The following CCDC73 variants were observed in gnomAD, a reference collection of about 807,000 sequenced individuals.
CCDC73 encodes coiled-coil domain-containing protein 73.
Under a neutral mutation model 116.5 loss-of-function variants are expected in CCDC73, and 95 were observed. That is an observed-to-expected ratio of 0.82 (90% CI 0.69 to 0.97). CCDC73 has a LOEUF of 0.97. Among genes scored for constraint, CCDC73 ranks in the 50% least tolerant of loss-of-function variants. The pLI is 0.00. For synonymous variants in CCDC73, 398 were observed against 401.3 expected (o/e 0.99, Z 0.10); for missense variants, 1,066 against 1,206.8 (o/e 0.88, Z 1.73).
At chr11:32,773,442 A>G (rs919613489) in intron 1 of CCDC73, among the ~76,000 whole-genome samples, 3 of 152,210 alleles carry the variant, frequency 2.0e-5, no homozygotes, top group African/African-American at 7.2e-5. Context: ...TGGAAACTAC[A>G]TCTCAATGAA....
In CCDC73 at chr11:32,614,371, A is replaced by T; in HGVS notation, c.1947T>A (p.Asn649Lys). ...TATCATCTAACATAACATTACTTGA[A>T]TTCCGTAAACTATATTTCTGACATG... Reference protein sequence around the residue: ...PVPCQKYSLRNSSNVMLDDKQ... With the variant: ...PVPCQKYSLRKSSNVMLDDKQ... The change falls in exon 16 of 18, where the codon AAT (asparagine) becomes AAA (lysine). Residue 649 changes from asparagine (N) to lysine (K), a missense_variant. Coordinates refer to ENST00000335185, the MANE Select transcript of CCDC73 (RefSeq NM_001008391.4). The T allele has an allele frequency of 1.2e-6, 2 of 1,612,612 alleles. No homozygotes were observed. Among genetic ancestry groups the T allele is most frequent in the Non-Finnish European group, 1.7e-6 (2 of 1,179,044 alleles).
chr11:32,783,237 G>A (rs771695584), intron 1 of CCDC73, among the ~76,000 whole-genome samples: 1 of 152,028 alleles, frequency 6.6e-6, no homozygotes, highest in Non-Finnish European at 1.5e-5. Flanking sequence ...CTAGAATAAA[G>A]AAACTAAGCC....
At chr11:32,721,951 C>T (rs1849993851) in intron 2 of CCDC73, among the ~76,000 whole-genome samples, 1 of 152,132 alleles carries the variant, frequency 6.6e-6, no homozygotes, top group Non-Finnish European at 1.5e-5. Context: ...CATATATACA[C>T]TTATGCTATG....
At chr11:32,741,872 T>C (rs1271159937) in intron 2 of CCDC73, among the ~76,000 whole-genome samples, 1 of 152,128 alleles carries the variant, frequency 6.6e-6, no homozygotes, top group African/African-American at 2.4e-5. Flanking sequence ...TGTGTTCTCA[T>C]TGTTCTACCC....
At chr11:32,742,188 T>C (rs1850193917) in intron 2 of CCDC73, among the ~76,000 whole-genome samples, 1 of 152,194 alleles carries the variant, frequency 6.6e-6, no homozygotes, top group Non-Finnish European at 1.5e-5. Flanking sequence ...ATGGCATGGC[T>C]GGGTCAAATG....
At chr11:32,744,320 T>C (rs143864773) in intron 2 of CCDC73, among the ~76,000 whole-genome samples, 10,162 of 152,286 alleles carry the variant, frequency 0.067, 369 homozygotes, top group Non-Finnish European at 0.078. Context: ...CAGTATTTTA[T>C]TGAGGATTTT....
chr11:32,704,512 G>A (rs2133318512), intron 3 of CCDC73, among the ~76,000 whole-genome samples: 1 of 152,348 alleles, frequency 6.6e-6, no homozygotes, highest in South Asian at 2.1e-4. Flanking sequence ...CCAGAGGGCT[G>A]AGGGTGGCTC....
intron 9 of CCDC73, among the ~76,000 whole-genome samples, chr11:32,672,759 A>G (rs534613068): frequency 6.6e-6 from 1 of 152,286 alleles, no homozygotes; most frequent in Admixed American, 6.5e-5. Context: ...CTAAAAAGAA[A>G]TGTTTTCTAC....
At chr11:32,808,074 A>G in the CCDC73 span, among the ~76,000 whole-genome samples, 5 of 152,340 alleles carry the variant, frequency 3.3e-5, no homozygotes, top group East Asian at 9.6e-4. Flanking sequence ...CATGATTCCC[A>G]AAATTAAAAG....
At chr11:32,777,117 G>A (rs922630087) in intron 1 of CCDC73, among the ~76,000 whole-genome samples, 3 of 41,126 alleles carry the variant, frequency 7.3e-5, no homozygotes, top group South Asian at 1.2e-3. Flanking sequence ...TTTTTTTTTT[G>A]AGACGGAGTC....
At position 32,615,985 on chromosome 11, in the gene CCDC73, CT is replaced by C; in HGVS notation, c.1329del (p.Glu444LysfsTer9). The C allele has an allele frequency of 1.3e-6, 2 of 1,586,420 alleles. No homozygotes were observed. The highest frequency in any genetic ancestry group is 2.3e-5 in the South Asian group (2 of 87,188). On this transcript the variant is annotated frameshift_variant, in exon 15 of 18. Transcript: ENST00000335185. LOFTEE classifies it high-confidence loss of function. ...ATAAATGAGCCTTCTTTTTTTTCTT[CT>C]TTTTCTCTGTATTCAGTATCTGAAC... Reference protein sequence around the residue: ...NFCSDTEYREKEEKKEGSFIE... With the variant: ...NFCSDTEYREXEEKKEGSFIE...
rs866949017 is a variant in CCDC73, at chr11:32,607,131, C to T, written c.3030+4001G>A. On this transcript the variant is annotated intron_variant, in intron 17 of 17. Coordinates refer to ENST00000335185, the MANE Select transcript of CCDC73 (RefSeq NM_001008391.4). ...TTTTTGAGACGGAGTCTCGCTCTGTCGCCCAGGCTGGAGTGCAGTGGCGGG... is the reference window on the plus strand; with the variant it reads ...TTTTTGAGACGGAGTCTCGCTCTGTTGCCCAGGCTGGAGTGCAGTGGCGGG... Among the ~76,000 whole-genome samples the T allele has an allele frequency of 7.4e-3, 876 of 119,008 alleles. 13 individuals carry two copies. The highest frequency in any genetic ancestry group is 0.026 in the African/African-American group (783 of 30,080). 78.1% of individuals were successfully genotyped at this position (119,008 alleles called of 152,430 possible). A position where few individuals can be genotyped will look rare whatever the true frequency, so the allele number is the denominator to read the frequency against.
intron 2 of CCDC73, among the ~76,000 whole-genome samples, chr11:32,752,138 G>C (rs1224170574): frequency 6.6e-6 from 1 of 152,136 alleles, no homozygotes; most frequent in East Asian, 1.9e-4. Flanking sequence ...AAAAGCCCCA[G>C]TGTGAGAGTA....
At chr11:32,687,580 A>G (rs1856213201) in intron 6 of CCDC73, among the ~76,000 whole-genome samples, 1 of 152,078 alleles carries the variant, frequency 6.6e-6, no homozygotes, top group African/African-American at 2.4e-5. Context: ...TGTAATTTGC[A>G]GCAGTGCAAA....
chr11:32,764,033 T>C (rs1298427300), intron 1 of CCDC73, among the ~76,000 whole-genome samples: 4 of 152,064 alleles, frequency 2.6e-5, no homozygotes, highest in Admixed American at 2.0e-4. Flanking sequence ...ATCAAATGAA[T>C]GAAACAAAGC....
intron 14 of CCDC73, among the ~76,000 whole-genome samples, chr11:32,622,424 C>T (rs1167908659): frequency 8.6e-5 from 13 of 152,044 alleles, no homozygotes. Context: ...AAACCAAATA[C>T]CGCATGTTCT....
chr11:32,633,461 C>T (rs1323117177), intron 14 of CCDC73, among the ~76,000 whole-genome samples: 2 of 152,068 alleles, frequency 1.3e-5, no homozygotes, highest in Non-Finnish European at 2.9e-5. Context: ...TCCCACAACA[C>T]CCCAAATCAG....
At chr11:32,814,468 T>C in the CCDC73 span, among the ~76,000 whole-genome samples, 2 of 152,114 alleles carry the variant, frequency 1.3e-5, no homozygotes, top group African/African-American at 4.8e-5. Context: ...AGGTAGGACT[T>C]CAGAGAGCAG....
At chr11:32,758,674 T>A (rs111430955) in intron 2 of CCDC73, 6 of 238,418 alleles carry the variant, frequency 2.5e-5, no homozygotes, top group African/African-American at 9.0e-5. Context: ...CCTTTTCTAA[T>A]CTGAAATTTT....
Sources: allele counts gnomAD v4.1 joint callset (sites outside exome capture counted in the v4.1 genomes callset), GRCh38; gene constraint gnomAD v4.1.1; transcripts MANE v1.5; gene names NCBI Gene and HGNC (gene_info 2026-07-23, HGNC 2026-07-21).